The following DNM3 variants were observed in gnomAD, a reference collection of about 807,000 sequenced individuals.
The protein encoded by DNM3 is dynamin-3.
In DNM3, 47 loss-of-function variants were observed where a neutral mutation model predicts 101.6. The ratio of observed to expected loss-of-function variants is 0.46; its 90% CI spans 0.37 to 0.59. The LOEUF (loss-of-function observed/expected upper bound fraction) is 0.59, where lower values mean the gene tolerates loss of function less well. Ranked by LOEUF, DNM3 falls within the 20% of genes least tolerant of loss-of-function variation. DNM3 has a pLI of 0.00. For missense variants in DNM3, 849 were observed against 1,085.7 expected, an observed-to-expected ratio of 0.78 and a Z score of 3.06; for synonymous variants, 385 against 387.9, an observed-to-expected ratio of 0.99 and a Z score of 0.09.
At chr1:172,320,025 A>G (rs2065619432) in intron 16 of DNM3, among the ~76,000 whole-genome samples, 1 of 151,872 alleles carries the variant, frequency 6.6e-6, no homozygotes, top group Non-Finnish European at 1.5e-5. Flanking sequence ...AATGTGGCAC[A>G]TATACACCAT....
chr1:172,216,532 GA>G (rs900800462), intron 14 of DNM3, among the ~76,000 whole-genome samples: 6 of 152,072 alleles, frequency 3.9e-5, no homozygotes, highest in African/African-American at 1.4e-4. Context: ...GTCTGAAGCC[GA>G]AAACTACTTG....
At chr1:172,057,569 C>G (rs2125897028) in intron 10 of DNM3, among the ~76,000 whole-genome samples, 1 of 152,166 alleles carries the variant, frequency 6.6e-6, no homozygotes, top group East Asian at 1.9e-4. Context: ...AATTTTCAAC[C>G]CAGAATTTCA....
chr1:172,264,002 C>A (rs1449560067), intron 15 of DNM3, among the ~76,000 whole-genome samples: 2 of 152,084 alleles, frequency 1.3e-5, no homozygotes, highest in East Asian at 3.8e-4. Context: ...AACTAGATTA[C>A]AGGATAGGGT....
At position 172,147,982 on chromosome 1, in the gene DNM3, T is replaced by C. The variant is rs143954161; in HGVS notation, c.1659+16694T>C. ...TTATAATAATCCTATAGTGTAGCTA[T>C]TATTATCATCCCCATTTTATTGATG... is the stretch of plus-strand genomic sequence containing the variant. On this transcript the variant is annotated intron_variant, in intron 14 of 20. Transcript: ENST00000627582. 3.5e-3 allele frequency among the ~76,000 whole-genome samples: 540 copies of C among 152,188 alleles called. 5 individuals are homozygous for C. Among genetic ancestry groups the C allele is most frequent in the African/African-American group, 0.012 (516 of 41,550 alleles).
chr1:172,364,247 G>C (rs1170409262), intron 17 of DNM3, among the ~76,000 whole-genome samples: 1 of 151,862 alleles, frequency 6.6e-6, no homozygotes, highest in African/African-American at 2.4e-5. Context: ...AACTGGTTTA[G>C]ACCAAGATAG....
At chr1:172,024,459 AAT>A (rs2048056167) in intron 4 of DNM3, among the ~76,000 whole-genome samples, 1 of 152,256 alleles carries the variant, frequency 6.6e-6, no homozygotes, top group Non-Finnish European at 1.5e-5. Context: ...TGGTTTATGC[AAT>A]TAATTCAGTA....
intron 14 of DNM3, among the ~76,000 whole-genome samples, chr1:172,219,377 C>CAAAAAAAAA (rs58783160): frequency 7.1e-5 from 4 of 56,296 alleles, no homozygotes; most frequent in East Asian, 5.7e-4. Context: ...TACCCTGTCT[C>CAAAAAAAAA]AAAAAAAAAA....
chr1:172,034,441 A>G (rs996400683), intron 6 of DNM3, among the ~76,000 whole-genome samples: 16 of 152,110 alleles, frequency 1.1e-4, no homozygotes, highest in Admixed American at 9.8e-4. Flanking sequence ...AAAAAATCTC[A>G]GAGGAAACTC....
At chr1:172,234,520 T>C (rs1264547327) in intron 14 of DNM3, among the ~76,000 whole-genome samples, 1 of 152,170 alleles carries the variant, frequency 6.6e-6, no homozygotes, top group Non-Finnish European at 1.5e-5. Flanking sequence ...CTTCACAGAA[T>C]TGGAAAAAGC....
Position 172,409,093 on chromosome 1 carries a change from G to C in DNM3, c.*1252G>C. On this transcript the variant is annotated 3_prime_UTR_variant, in exon 21 of 21. Coordinates refer to ENST00000627582, the MANE Select transcript of DNM3 (RefSeq NM_015569.5). ...GTTTAGCCTGGGGGTTAATAGTTAA[G>C]TCTTGAGGCTAAGTTTTGGACTACC... 1 of 985,354 alleles carries C rather than the reference G, an allele frequency of 1.0e-6. No individual in the cohort carries two copies. The highest frequency in any genetic ancestry group is 1.2e-6 in the Non-Finnish European group (1 of 829,890). The allele number at this position is 985,354 out of a possible 1,614,324, so 61.0% of individuals were successfully genotyped here.
At chr1:172,258,034 T>C (rs952720611) in intron 15 of DNM3, among the ~76,000 whole-genome samples, 5 of 152,134 alleles carry the variant, frequency 3.3e-5, no homozygotes, top group African/African-American at 1.2e-4. Flanking sequence ...GTACATGCAA[T>C]ATTTGTCTTC....
intron 17 of DNM3, chr1:172,366,565 TA>T (rs780624601): frequency 1.3e-5 from 2 of 151,862 alleles, no homozygotes; most frequent in Non-Finnish European, 2.9e-5. Flanking sequence ...GCACATATAC[TA>T]AAATTGGAAA....
At chr1:172,294,858 G>A (rs1215363332) in intron 15 of DNM3, among the ~76,000 whole-genome samples, 1 of 148,390 alleles carries the variant, frequency 6.7e-6, no homozygotes, top group Non-Finnish European at 1.5e-5. Flanking sequence ...GTGGCAGTGA[G>A]CCAAGATCGC....
At chr1:172,187,636 T>C (rs993255955) in intron 14 of DNM3, among the ~76,000 whole-genome samples, 4 of 152,092 alleles carry the variant, frequency 2.6e-5, no homozygotes, top group Non-Finnish European at 5.9e-5. Context: ...GGGTCCTTAA[T>C]ATGTGACAGC....
chr1:172,057,132 G>A (rs1176861697), intron 10 of DNM3, among the ~76,000 whole-genome samples: 1 of 152,140 alleles, frequency 6.6e-6, no homozygotes, highest in South Asian at 2.1e-4. Flanking sequence ...AGCGAGAAGG[G>A]AAGTTTAGAG....
intron 15 of DNM3, among the ~76,000 whole-genome samples, chr1:172,284,466 T>C (rs1438285722): frequency 6.6e-6 from 1 of 152,192 alleles, no homozygotes; most frequent in Non-Finnish European, 1.5e-5. Context: ...TTTCTCTCTG[T>C]AATGCCAGAA....
intron 4 of DNM3, among the ~76,000 whole-genome samples, chr1:172,009,601 G>A (rs776859934): frequency 2.0e-5 from 3 of 151,710 alleles, no homozygotes; most frequent in Non-Finnish European, 4.4e-5. Context: ...TCTTGGAAAA[G>A]TCAATACAGT....
At chr1:172,057,675 A>G (rs1278114209) in intron 10 of DNM3, among the ~76,000 whole-genome samples, 6 of 151,888 alleles carry the variant, frequency 4.0e-5, no homozygotes, top group South Asian at 2.1e-4. Flanking sequence ...GGCCTGCCCT[A>G]AAAGAGCTCC....
rs1420562710 is a variant in DNM3 at position 172,206,676 on chromosome 1, G to A, written c.1660-46897G>A. ...GTGCAAACGTCAACATAGTGGAAAA[G>A]GCAAATAAGAAGTTAATATTATTAT... On this transcript the variant is annotated intron_variant, in intron 14 of 20. Coordinates refer to ENST00000627582, the MANE Select transcript of DNM3 (RefSeq NM_015569.5). Among the ~76,000 whole-genome samples, 12 of 152,112 alleles carry A rather than the reference G, an allele frequency of 7.9e-5. No individual in the cohort carries two copies. The East Asian group carries it at 2.3e-3, about 29-fold the overall frequency.
Sources: allele counts gnomAD v4.1 joint callset (sites outside exome capture counted in the v4.1 genomes callset), GRCh38; gene constraint gnomAD v4.1.1; transcripts MANE v1.5; gene names NCBI Gene and HGNC (gene_info 2026-07-23, HGNC 2026-07-21).